The following LRBA variants were observed in gnomAD, a reference collection of about 807,000 sequenced individuals.
The protein encoded by LRBA is lipopolysaccharide-responsive and beige-like anchor protein.
Under a neutral mutation model 330.0 loss-of-function variants are expected in LRBA, and 176 were observed. The observed-to-expected ratio is 0.53, with a 90% CI of 0.47 to 0.60. The LOEUF (loss-of-function observed/expected upper bound fraction) is 0.60. Among genes scored for constraint, LRBA ranks in the 20% least tolerant of loss-of-function variants. The pLI is 0.00. For synonymous variants in LRBA, 1,230 were observed against 1,193.0 expected (o/e 1.03, Z -0.64); for missense variants, 3,259 against 3,444.8 (o/e 0.95, Z 1.35).
chr4:150,839,437 C>T (rs575624319), intron 28 of LRBA, among the ~76,000 whole-genome samples: 3 of 152,292 alleles, frequency 2.0e-5, no homozygotes, highest in African/African-American at 2.4e-5. Context: ...CACATGCACA[C>T]GTATGTTCAC....
chr4:150,993,902 T>C (rs1026744892), intron 2 of LRBA, among the ~76,000 whole-genome samples: 1 of 151,578 alleles, frequency 6.6e-6, no homozygotes, highest in African/African-American at 2.4e-5. Context: ...CCATCCCTAC[T>C]AAAAATACAA....
chr4:150,763,759 C>A (rs1377129950), intron 34 of LRBA, among the ~76,000 whole-genome samples: 1 of 151,326 alleles, frequency 6.6e-6, no homozygotes, highest in Non-Finnish European at 1.5e-5. Context: ...TAGTAATGCA[C>A]AAGAACAGTA....
chr4:150,489,572 T>TAAGAATACATAATATATATTATATAA (rs1758589474), intron 41 of LRBA, among the ~76,000 whole-genome samples: 1 of 78,472 alleles, frequency 1.3e-5, no homozygotes, highest in Non-Finnish European at 2.4e-5. Context: ...ATATTATATA[T>TAAGAATACATAATATATATTATATAA]AAGAATATAT....
intron 35 of LRBA, among the ~76,000 whole-genome samples, chr4:150,752,068 C>T (rs949999388): frequency 2.0e-5 from 3 of 152,128 alleles, no homozygotes; most frequent in Non-Finnish European, 4.4e-5. Context: ...AATAATGTTC[C>T]TGAATTGGCA....
At chr4:150,354,829 T>C (rs1737618474) in intron 47 of LRBA, among the ~76,000 whole-genome samples, 1 of 152,130 alleles carries the variant, frequency 6.6e-6, no homozygotes, top group South Asian at 2.1e-4. Flanking sequence ...CATTTGTTTG[T>C]TCTGCATACA....
At chr4:150,487,617 C>A in intron 42 of LRBA, 115 bp downstream of exon 42, 1 of 487,956 alleles carries the variant, frequency 2.0e-6, no homozygotes, top group Admixed American at 3.4e-5. Context: ...TTATAAATTT[C>A]AAAATAAGTG....
intron 37 of LRBA, among the ~76,000 whole-genome samples, chr4:150,610,371 C>T (rs959205608): frequency 2.0e-5 from 3 of 152,044 alleles, no homozygotes; most frequent in Non-Finnish European, 4.4e-5. Flanking sequence ...GGGTGAATCA[C>T]GAGGTCAGGA....
At position 150,893,034 on chromosome 4, in the gene LRBA, T is replaced by A. The variant is rs767907233; in HGVS notation, c.2165+18A>T. ...TTCCAAACTAATCCCTTATATGAAA[T>A]AGATTAAAAACTCTTACCGTAACCC... On this transcript the variant is annotated intron_variant, in intron 17 of 56. Coordinates refer to ENST00000651943, the MANE Select transcript of LRBA (RefSeq NM_001364905.1). The A allele has an allele frequency of 6.7e-7, 1 of 1,482,512 alleles. No homozygotes were observed. The highest frequency in any genetic ancestry group is 9.3e-7 in the Non-Finnish European group (1 of 1,074,406). The allele number at this position is 1,482,512 out of a possible 1,614,324, so 91.8% of individuals were successfully genotyped here.
chr4:150,281,075 C>G (rs1352605230), intron 55 of LRBA, among the ~76,000 whole-genome samples: 1 of 152,184 alleles, frequency 6.6e-6, no homozygotes, highest in Non-Finnish European at 1.5e-5. Context: ...AAGGAACTTC[C>G]CAGAGCCCCT....
At chr4:151,002,670 CAAGTTTACCA>C (rs1743507259) in intron 2 of LRBA, among the ~76,000 whole-genome samples, 1 of 149,290 alleles carries the variant, frequency 6.7e-6, no homozygotes, top group East Asian at 1.9e-4. Flanking sequence ...ATATGAATAA[CAAGTTTACCA>C]AAGAGATAGA....
chr4:150,435,503 C>A, intron 46 of LRBA, 86 bp downstream of exon 46: 1 of 1,224,992 alleles, frequency 8.2e-7, no homozygotes, highest in Non-Finnish European at 1.1e-6. Flanking sequence ...GTAAATAGGG[C>A]TGTATGGCAG....
Position 150,803,066 on chromosome 4 carries a change from CA to C in LRBA, c.5518+3204del, listed in dbSNP as rs763112831. 7.2e-3 allele frequency among the ~76,000 whole-genome samples: 393 copies of C among 54,578 alleles called. 1 individual carries two copies. The highest frequency in any genetic ancestry group is 0.023 in the African/African-American group (370 of 16,286). 35.8% of individuals were successfully genotyped at this position (54,578 alleles called of 152,430 possible). A position where few individuals can be genotyped will look rare whatever the true frequency, so the allele number is the denominator to read the frequency against. Reference sequence around the variant, plus strand: ...AACTAAAAACAAAAACAAAAACAAACAAAAAAAAAATATATATACACACACA... The same window carrying C: ...AACTAAAAACAAAAACAAAAACAAACAAAAAAAAATATATATACACACACA... On this transcript the variant is annotated intron_variant, in intron 33 of 56. Transcript: ENST00000651943.
intron 40 of LRBA, among the ~76,000 whole-genome samples, chr4:150,559,521 A>T (rs2152266006): frequency 7.3e-6 from 1 of 137,862 alleles, no homozygotes; most frequent in Admixed American, 8.5e-5. Flanking sequence ...CCATCTCAAA[A>T]AAATATATAT....
At chr4:150,360,211 T>G (rs1738493865) in intron 47 of LRBA, among the ~76,000 whole-genome samples, 1 of 152,008 alleles carries the variant, frequency 6.6e-6, no homozygotes, top group African/African-American at 2.4e-5. Context: ...CAGGCCAGTC[T>G]TGAACTCCTG....
intron 33 of LRBA, 96 bp downstream of exon 33, chr4:150,806,175 C>T: frequency 6.3e-6 from 6 of 957,094 alleles, no homozygotes; most frequent in Non-Finnish European, 9.0e-6. Context: ...GCTGACAACA[C>T]TTAAACAATG....
chr4:150,763,081 G>A (rs1487963846), intron 34 of LRBA, among the ~76,000 whole-genome samples: 2 of 151,822 alleles, frequency 1.3e-5, no homozygotes, highest in Non-Finnish European at 2.9e-5. Flanking sequence ...TATATTTTAT[G>A]AATAGTATTA....
chr4:150,649,791 T>C (rs1177070258), intron 37 of LRBA, among the ~76,000 whole-genome samples: 3 of 152,152 alleles, frequency 2.0e-5, no homozygotes, highest in South Asian at 2.1e-4. Context: ...GAATAGGAAA[T>C]CTGTATAAAC....
intron 48 of LRBA, among the ~76,000 whole-genome samples, chr4:150,333,999 T>G (rs763116459): frequency 6.6e-5 from 10 of 152,110 alleles, no homozygotes; most frequent in Non-Finnish European, 1.3e-4. Flanking sequence ...AGGCAAAGCA[T>G]CATTAGAAAC....
chr4:150,442,635 C>T (rs1236434550), intron 44 of LRBA, among the ~76,000 whole-genome samples: 3 of 152,042 alleles, frequency 2.0e-5, no homozygotes, highest in Non-Finnish European at 4.4e-5. Context: ...TCATTCTTCC[C>T]TAAAAGTAGG....
Sources: allele counts gnomAD v4.1 joint callset (sites outside exome capture counted in the v4.1 genomes callset), GRCh38; gene constraint gnomAD v4.1.1; transcripts MANE v1.5; gene names NCBI Gene and HGNC (gene_info 2026-07-23, HGNC 2026-07-21).